NPAS3: variants seen among roughly 807,000 people sequenced by gnomAD.
NPAS3 encodes neuronal PAS domain-containing protein 3.
A neutral mutation model predicts 73.1 loss-of-function variants in NPAS3; 14 were observed. The ratio of observed to expected loss-of-function variants is 0.19; its 90% CI spans 0.13 to 0.30. The LOEUF (loss-of-function observed/expected upper bound fraction) is 0.30. Among genes scored for constraint, NPAS3 ranks in the 10% least tolerant of loss-of-function variants. NPAS3 has a pLI of 1.00. For synonymous variants in NPAS3, 620 were observed against 541.5 expected, an observed-to-expected ratio of 1.14 and a Z score of -2.01; for missense variants, 1,096 against 1,250.0, an observed-to-expected ratio of 0.88 and a Z score of 1.86.
intron 2 of NPAS3, among the ~76,000 whole-genome samples, chr14:33,173,792 C>A (rs1417180771): frequency 6.6e-6 from 1 of 152,136 alleles, no homozygotes; most frequent in Non-Finnish European, 1.5e-5. Context: ...AAAACTGTAG[C>A]AGCAATATCA....
intron 7 of NPAS3, among the ~76,000 whole-genome samples, chr14:33,758,101 C>G (rs1242464051): frequency 2.0e-5 from 3 of 152,098 alleles, no homozygotes; most frequent in Non-Finnish European, 4.4e-5. Flanking sequence ...TCTGTGGTTC[C>G]CCCTTTGTCT....
At chr14:33,666,991 A>G (rs933292875) in intron 5 of NPAS3, among the ~76,000 whole-genome samples, 3 of 152,220 alleles carry the variant, frequency 2.0e-5, no homozygotes, top group Non-Finnish European at 4.4e-5. Flanking sequence ...GAGTAATTTT[A>G]AATTTTTCTA....
chr14:33,222,116 GTTCA>G (rs1303073459), intron 3 of NPAS3, among the ~76,000 whole-genome samples: 1 of 152,136 alleles, frequency 6.6e-6, no homozygotes, highest in African/African-American at 2.4e-5. Flanking sequence ...AGTCCTGTGT[GTTCA>G]GATTTTTCTT....
At chr14:33,444,178 A>C (rs17101150) in intron 4 of NPAS3, among the ~76,000 whole-genome samples, 9,344 of 152,234 alleles carry the variant, frequency 0.061, 324 homozygotes, top group African/African-American at 0.084. Context: ...TGTATGCCTA[A>C]AACTCAGGGC....
intron 1 of NPAS3, among the ~76,000 whole-genome samples, chr14:32,957,928 A>G (rs2036747530): frequency 6.6e-6 from 1 of 152,172 alleles, no homozygotes; most frequent in African/African-American, 2.4e-5. Flanking sequence ...GCATAAGTGT[A>G]GAAAAACTAG....
intron 3 of NPAS3, among the ~76,000 whole-genome samples, chr14:33,261,029 C>T (rs1221393087): frequency 6.6e-6 from 1 of 152,182 alleles, no homozygotes; most frequent in African/African-American, 2.4e-5. Flanking sequence ...AGACACCTGT[C>T]ATCAGCCTGC....
intron 4 of NPAS3, among the ~76,000 whole-genome samples, chr14:33,372,918 G>C (rs1315142): frequency 0.76 from 116,080 of 152,072 alleles, 44,783 homozygotes; most frequent in Admixed American, 0.83. Flanking sequence ...AAATGTGGTT[G>C]CTGCTTTCAA....
intron 2 of NPAS3, among the ~76,000 whole-genome samples, chr14:33,106,229 A>T (rs917200570): frequency 3.3e-5 from 5 of 152,166 alleles, no homozygotes; most frequent in Non-Finnish European, 7.4e-5. Context: ...ACTAATTTTA[A>T]TTTCTAAAGC....
chr14:33,419,200 G>A (rs74330357), intron 4 of NPAS3, among the ~76,000 whole-genome samples: 60 of 151,920 alleles, frequency 3.9e-4, no homozygotes, highest in African/African-American at 1.4e-3. Flanking sequence ...CTAGGCTGAA[G>A]GTAGACTAAG....
At chr14:33,545,805 C>A (rs1005998337) in intron 4 of NPAS3, among the ~76,000 whole-genome samples, 1 of 152,138 alleles carries the variant, frequency 6.6e-6, no homozygotes. Context: ...CTAGAGGGTG[C>A]GGTCAAGAGA....
rs866808269 is a variant in NPAS3 at position 33,544,810 on chromosome 14, A to G, written c.469-15311A>G. ...GTATTATATATATATATATATATAT[A>G]TGTATATATAATATATATGTGTATA... is the stretch of plus-strand genomic sequence containing the variant. On this transcript the variant is annotated intron_variant, in intron 4 of 11. Coordinates refer to ENST00000356141, the Ensembl canonical transcript of NPAS3. Among the ~76,000 whole-genome samples the G allele has an allele frequency of 2.0e-3, 184 of 92,080 alleles. 5 individuals carry two copies. The highest frequency in any genetic ancestry group is 0.01 in the African/African-American group (174 of 17,244). 60.4% of individuals were successfully genotyped at this position (92,080 alleles called of 152,430 possible).
At chr14:33,323,009 C>A (rs1426111699) in intron 3 of NPAS3, among the ~76,000 whole-genome samples, 1 of 152,138 alleles carries the variant, frequency 6.6e-6, no homozygotes. Context: ...TTTCATAGGT[C>A]ACCATCACTT....
chr14:32,995,423 C>T (rs181390996), intron 1 of NPAS3, among the ~76,000 whole-genome samples: 2 of 152,296 alleles, frequency 1.3e-5, no homozygotes, highest in East Asian at 3.9e-4. Context: ...CATCTTTCTT[C>T]CAGATAACCA....
chr14:33,093,696 A>G (rs900586326), intron 2 of NPAS3, among the ~76,000 whole-genome samples: 1 of 152,214 alleles, frequency 6.6e-6, no homozygotes, highest in Non-Finnish European at 1.5e-5. Flanking sequence ...ACTATTCACA[A>G]TAGCAAAGAC....
chr14:33,392,159 T>C (rs2047035302), intron 4 of NPAS3, among the ~76,000 whole-genome samples: 1 of 152,204 alleles, frequency 6.6e-6, no homozygotes, highest in African/African-American at 2.4e-5. Flanking sequence ...TCATCCCTCT[T>C]GTCACATATT....
chr14:33,614,254 A>G (rs2057844159), intron 5 of NPAS3, among the ~76,000 whole-genome samples: 1 of 152,202 alleles, frequency 6.6e-6, no homozygotes, highest in South Asian at 2.1e-4. Context: ...TTATTAAGTT[A>G]TCTTTCTTGA....
At chr14:33,252,937 C>T (rs2048642449) in intron 3 of NPAS3, among the ~76,000 whole-genome samples, 1 of 152,046 alleles carries the variant, frequency 6.6e-6, no homozygotes, top group Admixed American at 6.6e-5. Context: ...ATAATGGCCT[C>T]CAGCTCCATC....
chr14:33,440,631 G>A (rs1242026774), intron 4 of NPAS3, among the ~76,000 whole-genome samples: 9 of 152,172 alleles, frequency 5.9e-5, no homozygotes, highest in Admixed American at 2.0e-4. Flanking sequence ...GGTGGCTCAC[G>A]CCTGTAATCC....
intron 4 of NPAS3, among the ~76,000 whole-genome samples, chr14:33,391,926 G>C (rs188591514): frequency 7.3e-4 from 111 of 152,286 alleles, no homozygotes; most frequent in Non-Finnish European, 1.3e-3. Flanking sequence ...ATGAGTAAGA[G>C]AATGGTATTG....
Sources: allele counts gnomAD v4.1 joint callset (sites outside exome capture counted in the v4.1 genomes callset), GRCh38; gene constraint gnomAD v4.1.1; transcripts MANE v1.5; gene names NCBI Gene and HGNC (gene_info 2026-07-23, HGNC 2026-07-21).